KIAA0319: variants seen among roughly 807,000 people sequenced by gnomAD.
KIAA0319 encodes KIAA0319.
Under a neutral mutation model 108.4 loss-of-function variants are expected in KIAA0319, and 83 were observed. That is an observed-to-expected ratio of 0.77 (90% CI 0.64 to 0.92). The LOEUF is 0.92. Ranked by LOEUF, KIAA0319 falls within the 40% of genes least tolerant of loss-of-function variation. KIAA0319 has a pLI of 0.00. For missense variants in KIAA0319, 1,195 were observed against 1,322.4 expected (o/e 0.90, Z 1.49); for synonymous variants, 484 against 510.4 (o/e 0.95, Z 0.70).
At chr6:24,642,295 GA>G (rs1777063583) in intron 1 of KIAA0319, among the ~76,000 whole-genome samples, 1 of 151,536 alleles carries the variant, frequency 6.6e-6, no homozygotes, top group Non-Finnish European at 1.5e-5. Flanking sequence ...AAAGAAAGAA[GA>G]AAAGAAAAGA....
chr6:24,630,265 T>C (rs1344346157), intron 1 of KIAA0319, among the ~76,000 whole-genome samples: 4 of 151,822 alleles, frequency 2.6e-5, no homozygotes, highest in African/African-American at 4.8e-5. Context: ...TCCCAGCACT[T>C]TGGGAGGCTG....
chr6:24,562,600 G>T (rs559363910), intron 16 of KIAA0319, among the ~76,000 whole-genome samples: 4 of 152,306 alleles, frequency 2.6e-5, no homozygotes, highest in South Asian at 4.2e-4. Flanking sequence ...AGCACCCTGG[G>T]AGGCCTAAGT....
At chr6:24,547,627 A>T (rs1029978339) in intron 20 of KIAA0319, among the ~76,000 whole-genome samples, 4 of 152,194 alleles carry the variant, frequency 2.6e-5, no homozygotes, top group Non-Finnish European at 5.9e-5. Context: ...TTCAACTGGA[A>T]GATAACAAAG....
At chr6:24,540,624 T>C (rs748418397), downstream of KIAA0319, among the ~76,000 whole-genome samples, 15 of 149,328 alleles carry the variant, frequency 1.0e-4, no homozygotes, top group Non-Finnish European at 2.1e-4. Flanking sequence ...AGGGACCAAT[T>C]AGTTGGAGAA....
chr6:24,565,272 C>A (rs939093774), intron 14 of KIAA0319, among the ~76,000 whole-genome samples: 3 of 151,374 alleles, frequency 2.0e-5, no homozygotes, highest in Non-Finnish European at 4.4e-5. Flanking sequence ...AAGTATAAAG[C>A]ATTTTCAGTT....
At chr6:24,578,693 A>G (rs1765898657) in intron 8 of KIAA0319, among the ~76,000 whole-genome samples, 1 of 152,250 alleles carries the variant, frequency 6.6e-6, no homozygotes, top group Non-Finnish European at 1.5e-5. Context: ...AAATCCAGAG[A>G]AAGCTCACAG....
chr6:24,634,827 T>G (rs1379885775), intron 1 of KIAA0319, among the ~76,000 whole-genome samples: 1 of 152,220 alleles, frequency 6.6e-6, no homozygotes, highest in African/African-American at 2.4e-5. Context: ...AGAAATAGTC[T>G]GTGGTCTGTG....
chr6:24,554,444 G>A (rs56150817), intron 19 of KIAA0319, 97 bp downstream of exon 19: 38,008 of 847,194 alleles, frequency 0.045, 1,123 homozygotes, highest in Middle Eastern at 0.066. Context: ...ATAATAAACA[G>A]CTTAGTGGTT....
At chr6:24,643,067 A>C (rs1777171470) in intron 1 of KIAA0319, among the ~76,000 whole-genome samples, 1 of 152,210 alleles carries the variant, frequency 6.6e-6, no homozygotes, top group Non-Finnish European at 1.5e-5. Context: ...AGGCAGGATA[A>C]TTCTACAATA....
chr6:24,631,653 T>C (rs554588243), intron 1 of KIAA0319, among the ~76,000 whole-genome samples: 1 of 149,256 alleles, frequency 6.7e-6, no homozygotes, highest in East Asian at 1.9e-4. Context: ...GCTTTAAATA[T>C]TCTCCCTAAT....
intron 10 of KIAA0319, 105 bp downstream of exon 10, chr6:24,576,263 A>G: frequency 1.1e-6 from 1 of 887,618 alleles, no homozygotes; most frequent in Admixed American, 2.2e-5. Flanking sequence ...ATAACTTTAC[A>G]AAATAAATTA....
At chr6:24,606,563 G>T (rs1771437894) in intron 1 of KIAA0319, among the ~76,000 whole-genome samples, 1 of 152,202 alleles carries the variant, frequency 6.6e-6, no homozygotes, top group Non-Finnish European at 1.5e-5. Context: ...AGGGATGAAG[G>T]TCTAGGATGC....
intron 1 of KIAA0319, among the ~76,000 whole-genome samples, chr6:24,622,289 C>T: frequency 8.9e-6 from 1 of 112,344 alleles, no homozygotes; most frequent in Non-Finnish European, 1.7e-5. Flanking sequence ...AAGGAACAGG[C>T]AACCAAGGAC....
intron 16 of KIAA0319, among the ~76,000 whole-genome samples, chr6:24,562,769 G>A (rs527568219): frequency 6.6e-6 from 1 of 152,152 alleles, no homozygotes; most frequent in Non-Finnish European, 1.5e-5. Flanking sequence ...AATCTGAAAG[G>A]CGGAGGTTAC....
At chr6:24,571,337 G>GT (rs1186481747) in intron 11 of KIAA0319, among the ~76,000 whole-genome samples, 1 of 148,750 alleles carries the variant, frequency 6.7e-6, no homozygotes, top group Non-Finnish European at 1.5e-5. Context: ...GAGTCCAGGA[G>GT]TTTGAGACCA....
chr6:24,603,118 AAAT>A (rs1356125800), intron 1 of KIAA0319, among the ~76,000 whole-genome samples: 1 of 152,200 alleles, frequency 6.6e-6, no homozygotes, highest in Non-Finnish European at 1.5e-5. Flanking sequence ...GTGGTATTTA[AAAT>A]AATCATGCAT....
At position 24,599,922 on chromosome 6, in the gene KIAA0319, G is replaced by A. The variant is rs145884090; in HGVS notation, c.55+1127C>T. On this transcript the variant is annotated intron_variant, in intron 2 of 20. Coordinates refer to ENST00000378214, the MANE Select transcript of KIAA0319 (RefSeq NM_014809.4). This position sits in a 1 kb window ranked among gnomAD's most constrained non-coding sequence, Gnocchi z 4.1. ...CTCAGCGCTCGCCCTCAGCCGACCC[G>A]CGGGAGAGTTCACTGCCTGGGGTAT... The A allele has an allele frequency of 1.1e-4, 29 of 264,666 alleles. No homozygotes were observed. In the East Asian group the frequency reaches 3.0e-3, roughly 27 times the overall value. The allele number at this position is 264,666 out of a possible 1,614,324, so 16.4% of individuals were successfully genotyped here. A position where few individuals can be genotyped will look rare whatever the true frequency, so the allele number is the denominator to read the frequency against.
rs760488891 is a variant in KIAA0319 at position 24,563,363 on chromosome 6, G to C, written c.2587C>G (p.Leu863Val). ...KVQKIRAHSD[L>V]STVIVFYVQS... Reference sequence around the variant, plus strand: ...CCTTGAGTGTGCAGCTCCTACCTGAGATCCGAGTGGGCCCGAATCTTCTGG... The same window carrying C: ...CCTTGAGTGTGCAGCTCCTACCTGACATCCGAGTGGGCCCGAATCTTCTGG... The change falls in exon 16 of 21, where the codon CTC becomes GTC. Residue 863 changes from leucine (L) to valine (V), a missense_variant. Leu to Val is a conservative substitution (Grantham distance 32). Coordinates refer to ENST00000378214, the MANE Select transcript of KIAA0319 (RefSeq NM_014809.4). 6.2e-7 allele frequency: 1 copy of C among 1,612,116 alleles called. No individual in the cohort carries two copies. The highest frequency in any genetic ancestry group is 8.5e-7 in the Non-Finnish European group (1 of 1,179,024).
At chr6:24,624,864 G>A (rs557043227) in intron 1 of KIAA0319, among the ~76,000 whole-genome samples, 29 of 152,298 alleles carry the variant, frequency 1.9e-4, no homozygotes, top group Admixed American at 6.5e-4. Flanking sequence ...CCTGGAGTGC[G>A]GTGCCACATG....
Sources: allele counts gnomAD v4.1 joint callset (sites outside exome capture counted in the v4.1 genomes callset), GRCh38; gene constraint gnomAD v4.1.1; non-coding constraint Gnocchi (gnomAD v3.1); transcripts MANE v1.5; gene names NCBI Gene and HGNC (gene_info 2026-07-23, HGNC 2026-07-21).